The following ARHGAP20 variants were observed in gnomAD, a reference collection of about 807,000 sequenced individuals.
ARHGAP20 encodes the protein rho GTPase-activating protein 20.
A neutral mutation model predicts 73.7 loss-of-function variants in ARHGAP20; 34 were observed. That is an observed-to-expected ratio of 0.46 (90% CI 0.35 to 0.61). The LOEUF is 0.61. Among genes scored for constraint, ARHGAP20 ranks in the 20% least tolerant of loss-of-function variants. The pLI is 0.00. For synonymous variants in ARHGAP20, 523 were observed against 518.2 expected, an observed-to-expected ratio of 1.01 and a Z score of -0.13; for missense variants, 1,314 against 1,420.9, an observed-to-expected ratio of 0.92 and a Z score of 1.21.
At chr11:110,589,484 G>C (rs1261379518) in intron 11 of ARHGAP20, 2 of 985,318 alleles carry the variant, frequency 2.0e-6, no homozygotes, top group Non-Finnish European at 2.4e-6. Flanking sequence ...CCTTAACTTG[G>C]TTTTCACGTT....
chr11:110,700,568 T>TTTG (rs1423930077), intron 1 of ARHGAP20, among the ~76,000 whole-genome samples: 1 of 151,888 alleles, frequency 6.6e-6, no homozygotes, highest in Non-Finnish European at 1.5e-5. Flanking sequence ...ATAATTACTT[T>TTTG]TTTTTTTCTT....
intron 2 of ARHGAP20, among the ~76,000 whole-genome samples, chr11:110,643,611 T>C (rs73559883): frequency 0.054 from 8,188 of 152,196 alleles, 267 homozygotes; most frequent in Middle Eastern, 0.095. Context: ...TCTATTTTTA[T>C]TGCATTGTGG....
intron 6 of ARHGAP20, among the ~76,000 whole-genome samples, chr11:110,613,714 A>C (rs1948420984): frequency 6.6e-6 from 1 of 152,122 alleles, no homozygotes; most frequent in African/African-American, 2.4e-5. Context: ...TACTATAAAA[A>C]TTTGAGTATT....
At chr11:110,659,411 G>GT (rs1350887581) in intron 2 of ARHGAP20, among the ~76,000 whole-genome samples, 4 of 149,838 alleles carry the variant, frequency 2.7e-5, no homozygotes, top group Non-Finnish European at 3.0e-5. Context: ...GGGGTTGTTT[G>GT]TTTTTTTCTT....
chr11:110,637,015 C>T (rs999771411), intron 2 of ARHGAP20, among the ~76,000 whole-genome samples: 7 of 151,984 alleles, frequency 4.6e-5, no homozygotes, highest in Non-Finnish European at 8.8e-5. Flanking sequence ...TCACCTGTTG[C>T]TTGCTTTTTA....
chr11:110,699,114 A>G lies in ARHGAP20; in HGVS notation c.106-8485T>C, dbSNP rs148969808. On this transcript the variant is annotated intron_variant, in intron 1 of 14. Coordinates refer to ENST00000683387, the MANE Select transcript of ARHGAP20 (RefSeq NM_001384657.1). ...TCCCTGAGGTTTTGATATGTTGCCT[A>G]TTTTCATTTGTTTTGAAAATTTTTT... Among the ~76,000 whole-genome samples the G allele has an allele frequency of 8.1e-3, 1,230 of 151,656 alleles. 16 individuals carry two copies. The highest frequency in any genetic ancestry group is 0.028 in the African/African-American group (1,172 of 41,420).
chr11:110,677,933 C>T (rs938217430), intron 2 of ARHGAP20, among the ~76,000 whole-genome samples: 4 of 152,044 alleles, frequency 2.6e-5, no homozygotes, highest in African/African-American at 4.8e-5. Flanking sequence ...TGAATGTTCA[C>T]GGCATTATTC....
intron 2 of ARHGAP20, among the ~76,000 whole-genome samples, chr11:110,679,379 G>A (rs1374798268): frequency 2.0e-5 from 3 of 152,096 alleles, no homozygotes; most frequent in East Asian, 1.9e-4. Flanking sequence ...ACTAGGAGGC[G>A]GGAATCACTG....
chr11:110,585,351 A>C (rs180811282), intron 12 of ARHGAP20, among the ~76,000 whole-genome samples: 90 of 152,254 alleles, frequency 5.9e-4, no homozygotes, highest in African/African-American at 2.0e-3. Context: ...GATGCTCACT[A>C]TCTGAATGGT....
At chr11:110,595,919 C>T (rs1295797636) in intron 9 of ARHGAP20, among the ~76,000 whole-genome samples, 2 of 152,068 alleles carry the variant, frequency 1.3e-5, no homozygotes, top group African/African-American at 2.4e-5. Flanking sequence ...GTAACCAAAA[C>T]AGCATGGTAC....
chr11:110,699,385 G>A (rs1950399660), intron 1 of ARHGAP20, among the ~76,000 whole-genome samples: 1 of 151,856 alleles, frequency 6.6e-6, no homozygotes, highest in Admixed American at 6.6e-5. Context: ...TTCTGTGGTC[G>A]GCTAGAATGT....
At chr11:110,677,739 T>C (rs1949961139) in intron 2 of ARHGAP20, among the ~76,000 whole-genome samples, 1 of 152,036 alleles carries the variant, frequency 6.6e-6, no homozygotes, top group African/African-American at 2.4e-5. Context: ...TAACAAGCAC[T>C]GGTAAGGATG....
intron 2 of ARHGAP20, among the ~76,000 whole-genome samples, chr11:110,686,275 T>A (rs986639616): frequency 1.3e-5 from 2 of 152,070 alleles, no homozygotes; most frequent in African/African-American, 4.8e-5. Flanking sequence ...TTTATTATAA[T>A]AAGATTTGAT....
chr11:110,591,083 A>G (rs1947816970), intron 10 of ARHGAP20, among the ~76,000 whole-genome samples: 1 of 152,220 alleles, frequency 6.6e-6, no homozygotes, highest in Non-Finnish European at 1.5e-5. Flanking sequence ...ATGATCTATT[A>G]TATAACATTA....
intron 9 of ARHGAP20, among the ~76,000 whole-genome samples, chr11:110,602,618 G>T (rs1296197862): frequency 6.6e-6 from 1 of 152,162 alleles, no homozygotes; most frequent in Non-Finnish European, 1.5e-5. Context: ...TTAAATCTGT[G>T]TGCTTGCAGT....
rs375344356 is a variant in ARHGAP20 at position 110,634,719 on chromosome 11, T to C, written c.189-3927A>G. ...CTTTAAATATCATTTATAATTTATA[T>C]ATGGGACTAACTAAACATGTATCCA... is the stretch of plus-strand genomic sequence containing the variant. On this transcript the variant is annotated intron_variant, in intron 2 of 14. Transcript: ENST00000683387. Among the ~76,000 whole-genome samples, 33 of 152,254 alleles carry C rather than the reference T, an allele frequency of 2.2e-4. 1 individual carries two copies. Among genetic ancestry groups the C allele is most frequent in the African/African-American group, 7.0e-4 (29 of 41,564 alleles).
rs771851486 is a variant in ARHGAP20 at position 110,624,337 on chromosome 11, C to G, written c.354-26G>C. ...CTAGAAAGATAAAAACCAAACAGAA[C>G]CTTTTGTTATTTTGTTTCTTAAATT... On this transcript the variant is annotated intron_variant, in intron 3 of 14. Coordinates refer to ENST00000683387, the MANE Select transcript of ARHGAP20 (RefSeq NM_001384657.1). 3 of 1,493,872 alleles carry G rather than the reference C, an allele frequency of 2.0e-6. No homozygotes were observed. In the African/African-American group the frequency reaches 4.3e-5, roughly 21 times the overall value. The allele number at this position is 1,493,872 out of a possible 1,614,324, so 92.5% of individuals were successfully genotyped here. A position where few individuals can be genotyped will look rare whatever the true frequency, so the allele number is the denominator to read the frequency against.
chr11:110,673,250 A>C (rs1325156997), intron 2 of ARHGAP20, among the ~76,000 whole-genome samples: 4 of 152,210 alleles, frequency 2.6e-5, no homozygotes, highest in African/African-American at 9.6e-5. Context: ...GAAATTTACA[A>C]GTCCACAACA....
rs778214480 is a variant in ARHGAP20, at chr11:110,630,675, C to T, written c.306G>A (p.Glu102=). The T allele has an allele frequency of 6.2e-7, 1 of 1,614,010 alleles. No individual in the cohort carries two copies. ...GATCATTGAATAGGAAAAGATGCCG[C>T]TCCTGCCTCTGGAGGCCTCTTTTGA... The part of the protein sequence containing the change: ...AELKRGLQRQ[E]RHLFLFNDLF... The change falls in exon 3 of 15, where the codon GAG becomes GAA. Residue 102 remains glutamate (E), a synonymous_variant. Coordinates refer to ENST00000683387, the MANE Select transcript of ARHGAP20 (RefSeq NM_001384657.1).
Sources: allele counts gnomAD v4.1 joint callset (sites outside exome capture counted in the v4.1 genomes callset), GRCh38; gene constraint gnomAD v4.1.1; transcripts MANE v1.5; gene names NCBI Gene and HGNC (gene_info 2026-07-23, HGNC 2026-07-21).